The following FRK variants were observed in gnomAD, a reference collection of about 807,000 sequenced individuals.
The protein encoded by FRK is tyrosine-protein kinase FRK.
Under a neutral mutation model 56.4 loss-of-function variants are expected in FRK, and 51 were observed. The observed-to-expected ratio is 0.90, with a 90% CI of 0.72 to 1.14. The LOEUF (loss-of-function observed/expected upper bound fraction) is 1.14, where lower values mean the gene tolerates loss of function less well. Ranked by LOEUF, FRK falls within the 50% of genes most tolerant of loss-of-function variation. The probability of loss-of-function intolerance (pLI) is 0.00; values close to 1 mark genes in which losing one functional copy is unlikely to be tolerated. For missense variants in FRK, 570 were observed against 601.4 expected, an observed-to-expected ratio of 0.95 and a Z score of 0.55; for synonymous variants, 245 against 217.9, an observed-to-expected ratio of 1.12 and a Z score of -1.10.
intron 1 of FRK, among the ~76,000 whole-genome samples, chr6:116,047,912 T>C (rs932883976): frequency 1.3e-5 from 2 of 152,254 alleles, no homozygotes; most frequent in Admixed American, 6.5e-5. Context: ...AAGCCAAGAA[T>C]GAGTGTGGGA....
At chr6:115,946,038 T>A (rs1772435517) in intron 5 of FRK, among the ~76,000 whole-genome samples, 1 of 152,244 alleles carries the variant, frequency 6.6e-6, no homozygotes, top group African/African-American at 2.4e-5. Context: ...CTGGATAGGA[T>A]TTAGCTGCCA....
chr6:115,969,970 T>C (rs1437998926), intron 2 of FRK, among the ~76,000 whole-genome samples: 1 of 152,202 alleles, frequency 6.6e-6, no homozygotes, highest in Non-Finnish European at 1.5e-5. Context: ...TTGATAAGTA[T>C]TGGGCAGCAT....
At chr6:115,948,199 C>G (rs1266380861) in intron 5 of FRK, among the ~76,000 whole-genome samples, 1 of 152,174 alleles carries the variant, frequency 6.6e-6, no homozygotes, top group Non-Finnish European at 1.5e-5. Context: ...GTCCCTCTAG[C>G]AAGGAGCAAA....
At chr6:115,944,197 G>C (rs926455861) in intron 6 of FRK, 47 bp downstream of exon 6, 2 of 1,474,114 alleles carry the variant, frequency 1.4e-6, no homozygotes, top group Non-Finnish European at 1.9e-6. Context: ...CTAACTGTTA[G>C]ACTTTTGACC....
chr6:116,076,595 T>G, the FRK span, among the ~76,000 whole-genome samples: 1 of 152,194 alleles, frequency 6.6e-6, no homozygotes, highest in Non-Finnish European at 1.5e-5. Flanking sequence ...TCCTGATTGG[T>G]CAATGACAGA....
chr6:116,061,963 GAAGAAAGAAAAGAAAGAAA>G (rs530950840), upstream of FRK, among the ~76,000 whole-genome samples: 6 of 142,816 alleles, frequency 4.2e-5, no homozygotes, highest in Admixed American at 1.4e-4. Flanking sequence ...AAGAAAGAAA[GAAGAAAGAAAAGAAAGAAA>G]AAGAAAGAAA....
intron 1 of FRK, among the ~76,000 whole-genome samples, chr6:116,018,438 T>C (rs908938920): frequency 2.6e-5 from 4 of 152,224 alleles, no homozygotes; most frequent in African/African-American, 7.2e-5. Context: ...ATCCTCTCGC[T>C]GTCCAGAACA....
At chr6:115,950,293 G>A (rs1329622308) in intron 5 of FRK, among the ~76,000 whole-genome samples, 3 of 151,938 alleles carry the variant, frequency 2.0e-5, no homozygotes, top group Non-Finnish European at 1.5e-5. Context: ...TCTGACAAAG[G>A]GCTAATACCA....
chr6:116,013,091 T>C (rs1775530997), intron 1 of FRK, among the ~76,000 whole-genome samples: 1 of 152,196 alleles, frequency 6.6e-6, no homozygotes, highest in Non-Finnish European at 1.5e-5. Context: ...TATTCACCTT[T>C]ATAGTCATCA....
the FRK span, among the ~76,000 whole-genome samples, chr6:116,098,646 A>G: frequency 6.6e-6 from 1 of 152,224 alleles, no homozygotes; most frequent in East Asian, 1.9e-4. Context: ...ATACTCAAAG[A>G]AACAGAAATT....
At position 116,003,632 on chromosome 6, in the gene FRK, T is replaced by A. The variant is rs527705174; in HGVS notation, c.466+245A>T. Among the ~76,000 whole-genome samples, 11 of 152,294 alleles carry A rather than the reference T, an allele frequency of 7.2e-5. No homozygotes were observed. In the East Asian group the frequency reaches 1.5e-3, roughly 21 times the overall value. On this transcript the variant is annotated intron_variant, in intron 2 of 7. Transcript: ENST00000606080. ...GCAAAAGTTAGAAACTGTCAGCAGA[T>A]CCATGTTCTCCATTTCATATCTAGA... is the stretch of plus-strand genomic sequence containing the variant.
chr6:116,014,544 C>G (rs1031131955), intron 1 of FRK, among the ~76,000 whole-genome samples: 6 of 149,846 alleles, frequency 4.0e-5, no homozygotes, highest in African/African-American at 1.5e-4. Flanking sequence ...GTTTAATGAA[C>G]AGCAGTGGTC....
intron 1 of FRK, among the ~76,000 whole-genome samples, chr6:116,005,551 T>A (rs767596626): frequency 9.2e-5 from 14 of 152,088 alleles, no homozygotes; most frequent in Non-Finnish European, 1.2e-4. Context: ...TCCCAGAAGG[T>A]AGAAAATTGG....
chr6:116,087,591 T>C, the FRK span, among the ~76,000 whole-genome samples: 1 of 152,226 alleles, frequency 6.6e-6, no homozygotes, highest in Non-Finnish European at 1.5e-5. Flanking sequence ...TACTTTGCCT[T>C]GGGGCAGAGA....
At chr6:116,063,207 G>A (rs1189041763), upstream of FRK, among the ~76,000 whole-genome samples, 3 of 152,174 alleles carry the variant, frequency 2.0e-5, no homozygotes, top group Admixed American at 6.5e-5. Context: ...TCTACTCCAG[G>A]GTATGTATCC....
the FRK span, among the ~76,000 whole-genome samples, chr6:116,088,316 C>T: frequency 1.3e-5 from 2 of 151,902 alleles, no homozygotes; most frequent in Admixed American, 6.6e-5. Flanking sequence ...AAATTTTCTG[C>T]AAATAGTAAT....
At chr6:116,011,090 T>TA (rs35810541) in intron 1 of FRK, among the ~76,000 whole-genome samples, 70 of 149,452 alleles carry the variant, frequency 4.7e-4, no homozygotes, top group African/African-American at 9.5e-4. Flanking sequence ...CAGTGAGCCT[T>TA]AAAAAAAAAA....
At chr6:116,027,663 T>G (rs571525891) in intron 1 of FRK, among the ~76,000 whole-genome samples, 1 of 151,946 alleles carries the variant, frequency 6.6e-6, no homozygotes, top group Admixed American at 6.6e-5. Flanking sequence ...AAGTAAGAAC[T>G]ATTCAAAAGT....
chr6:115,972,236 T>C (rs1037409592), intron 2 of FRK, among the ~76,000 whole-genome samples: 4 of 152,226 alleles, frequency 2.6e-5, no homozygotes, highest in Non-Finnish European at 5.9e-5. Context: ...ATGGCACTTT[T>C]GCTCATTAGG....
Sources: gnomAD v4.1 joint callset for allele counts (sites outside exome capture counted in the v4.1 genomes callset) on GRCh38, gnomAD v4.1.1 for gene constraint, MANE v1.5 for transcripts, NCBI Gene and HGNC (gene_info 2026-07-23, HGNC 2026-07-21) for gene names.